Variants in AFG2A observed in about 807,000 individuals in gnomAD.
The protein encoded by AFG2A is ATPase family gene 2 protein homolog A.
chr4:123,007,574 G>A, the AFG2A span, among the ~76,000 whole-genome samples: 8 of 3,774 alleles, frequency 2.1e-3, no homozygotes, highest in African/African-American at 3.5e-3. Context: ...GTATATGTGT[G>A]TGTGTGTGTG....
chr4:122,996,873 C>T, the AFG2A span, among the ~76,000 whole-genome samples: 2 of 152,040 alleles, frequency 1.3e-5, no homozygotes, highest in East Asian at 3.9e-4. Flanking sequence ...TCCCAATATC[C>T]AAGGACAGGT....
the AFG2A span, among the ~76,000 whole-genome samples, chr4:123,128,632 C>T: frequency 6.6e-6 from 1 of 151,832 alleles, no homozygotes; most frequent in Admixed American, 6.6e-5. Flanking sequence ...ATTGAATATT[C>T]TAGTGAATGG....
the AFG2A span, among the ~76,000 whole-genome samples, chr4:123,035,682 AT>A: frequency 2.0e-5 from 3 of 151,646 alleles, no homozygotes; most frequent in African/African-American, 4.8e-5. Context: ...TATATATGTT[AT>A]TTTTTTTGAG....
At chr4:122,988,753 A>G in the AFG2A span, among the ~76,000 whole-genome samples, 5,079 of 152,072 alleles carry the variant, frequency 0.033, 163 homozygotes, top group South Asian at 0.15. Context: ...GTCTGTTGTA[A>G]TGTGTACACT....
At chr4:123,300,997 G>A in the AFG2A span, among the ~76,000 whole-genome samples, 4 of 152,090 alleles carry the variant, frequency 2.6e-5, no homozygotes, top group Admixed American at 6.5e-5. Context: ...AAGTCATCTG[G>A]AAAGGGGGAA....
At chr4:123,054,711 T>C in the AFG2A span, among the ~76,000 whole-genome samples, 1 of 151,846 alleles carries the variant, frequency 6.6e-6, no homozygotes, top group Non-Finnish European at 1.5e-5. Flanking sequence ...GTGCAAGACT[T>C]CATCTCAAAA....
chr4:123,019,484 G>C, the AFG2A span, among the ~76,000 whole-genome samples: 1 of 152,146 alleles, frequency 6.6e-6, no homozygotes, highest in Non-Finnish European at 1.5e-5. Context: ...TTGGCATACA[G>C]ATAATTCTTA....
chr4:123,116,332 C>T, the AFG2A span, among the ~76,000 whole-genome samples: 5 of 152,284 alleles, frequency 3.3e-5, no homozygotes, highest in Non-Finnish European at 5.9e-5. Context: ...GCTTTTACCT[C>T]AAGCAGTGAA....
the AFG2A span, among the ~76,000 whole-genome samples, chr4:123,154,396 A>G: frequency 6.6e-6 from 1 of 152,200 alleles, no homozygotes. Flanking sequence ...AAGTGATAAA[A>G]TAATATTTGT....
the AFG2A span, among the ~76,000 whole-genome samples, chr4:123,195,862 TC>T: frequency 6.6e-6 from 1 of 152,178 alleles, no homozygotes; most frequent in Non-Finnish European, 1.5e-5. Flanking sequence ...TATTTCACCA[TC>T]CCCAGCTTCC....
the AFG2A span, among the ~76,000 whole-genome samples, chr4:123,173,366 T>G: frequency 1.5e-5 from 2 of 136,190 alleles, no homozygotes; most frequent in African/African-American, 2.9e-5. Flanking sequence ...TTTTTTTTTT[T>G]TTTTTTTGAG....
chr4:122,979,224 C>G, the AFG2A span: 1 of 1,613,096 alleles, frequency 6.2e-7, no homozygotes, highest in Non-Finnish European at 8.5e-7. Context: ...ACTTTCCTCT[C>G]TTTATAGGTC....
chr4:123,182,938 G>A, the AFG2A span, among the ~76,000 whole-genome samples: 1 of 152,170 alleles, frequency 6.6e-6, no homozygotes, highest in Non-Finnish European at 1.5e-5. Flanking sequence ...GTTATACACA[G>A]TTTAAGGGGG....
chr4:123,272,038 A>G, the AFG2A span, among the ~76,000 whole-genome samples: 1 of 152,164 alleles, frequency 6.6e-6, no homozygotes, highest in Non-Finnish European at 1.5e-5. Flanking sequence ...AAATTCTTTG[A>G]GGAAAAGACA....
chr4:123,311,636 A>C, the AFG2A span, among the ~76,000 whole-genome samples: 1 of 18,686 alleles, frequency 5.4e-5, no homozygotes, highest in East Asian at 1.1e-3. Flanking sequence ...AAAAAAAAAA[A>C]AAAAAAAAAA....
At chr4:122,945,168 C>G in the AFG2A span, among the ~76,000 whole-genome samples, 1 of 152,222 alleles carries the variant, frequency 6.6e-6, no homozygotes, top group Non-Finnish European at 1.5e-5. Context: ...CTCTTCAAAG[C>G]TGTCAGACAG....
the AFG2A span, among the ~76,000 whole-genome samples, chr4:123,304,179 T>G: frequency 6.6e-6 from 1 of 152,154 alleles, no homozygotes; most frequent in Admixed American, 6.5e-5. Context: ...TTTGTGCCTG[T>G]GATAGTCTGA....
chr4:123,318,399 T>C, the AFG2A span: 1 of 152,350 alleles, frequency 6.6e-6, no homozygotes, highest in South Asian at 2.1e-4. Flanking sequence ...GAACATTATA[T>C]CTTTAGTCTC....
chr4:122,937,045 A>C, the AFG2A span, among the ~76,000 whole-genome samples: 1 of 152,154 alleles, frequency 6.6e-6, no homozygotes, highest in African/African-American at 2.4e-5. Flanking sequence ...CCACCTACTA[A>C]GGAAGCTGAG....
Sources: gnomAD v4.1 joint callset for allele counts (sites outside exome capture counted in the v4.1 genomes callset) on GRCh38, gnomAD v4.1.1 for gene constraint, MANE v1.5 for transcripts, NCBI Gene and HGNC (gene_info 2026-07-23, HGNC 2026-07-21) for gene names.